Variants in P2RX1 observed in about 807,000 individuals in gnomAD.
P2RX1 encodes P2X purinoceptor 1.
P2RX1 carries 42 observed loss-of-function variants against 50.3 expected under a neutral mutation model. That is an observed-to-expected ratio of 0.83 (90% CI 0.65 to 1.08). P2RX1 has a LOEUF of 1.08. Among genes scored for constraint, P2RX1 ranks in the 50% least tolerant of loss-of-function variants. The pLI, the probability that P2RX1 is intolerant of heterozygous loss-of-function variation, is 0.00. For missense variants in P2RX1, 449 were observed against 529.0 expected (o/e 0.85, Z 1.48); for synonymous variants, 199 against 202.6 (o/e 0.98, Z 0.15).
intron 1 of P2RX1, among the ~76,000 whole-genome samples, chr17:3,912,465 G>C (rs1302836232): frequency 6.6e-6 from 1 of 152,048 alleles, no homozygotes; most frequent in African/African-American, 2.4e-5. Flanking sequence ...CGAGTAGCTG[G>C]GATTACAGGC....
In P2RX1 at chr17:3,903,089, A is replaced by T; in HGVS notation, c.747+113T>A. ...CCCCAGTATCAGGGGACAGACCCAT[A>T]CATATACTCAGCCCTCACCGAGGAG... On this transcript the variant is annotated intron_variant, in intron 7 of 11. Coordinates refer to ENST00000225538, the MANE Select transcript of P2RX1 (RefSeq NM_002558.4). This position sits in a 1 kb window ranked among gnomAD's most constrained non-coding sequence, Gnocchi z 4.6. The T allele has an allele frequency of 7.0e-7, 1 of 1,435,936 alleles. No homozygotes were observed. The highest frequency in any genetic ancestry group is 9.6e-7 in the Non-Finnish European group (1 of 1,043,116). 88.9% of individuals were successfully genotyped at this position (1,435,936 alleles called of 1,614,324 possible). A position where few individuals can be genotyped will look rare whatever the true frequency, so the allele number is the denominator to read the frequency against.
At chr17:3,907,505 T>C (rs2056289577) in intron 1 of P2RX1, among the ~76,000 whole-genome samples, 1 of 152,054 alleles carries the variant, frequency 6.6e-6, no homozygotes, top group Non-Finnish European at 1.5e-5. Context: ...AACAGAACTC[T>C]CCAGGCCTCT....
chr17:3,901,096 C>A (rs2143972822), intron 7 of P2RX1, among the ~76,000 whole-genome samples: 1 of 152,014 alleles, frequency 6.6e-6, no homozygotes, highest in East Asian at 1.9e-4. Flanking sequence ...GAGACGGAGT[C>A]TTGCTCTGTC....
At chr17:3,912,012 G>A (rs1343497046) in intron 1 of P2RX1, among the ~76,000 whole-genome samples, 1 of 152,208 alleles carries the variant, frequency 6.6e-6, no homozygotes, top group Non-Finnish European at 1.5e-5. Flanking sequence ...CTCGGGAGTG[G>A]CTAAACTGGT....
intron 7 of P2RX1, among the ~76,000 whole-genome samples, chr17:3,902,912 C>A (rs1168135649): frequency 6.7e-6 from 1 of 149,946 alleles, no homozygotes; most frequent in Non-Finnish European, 1.5e-5. Context: ...CCTGACCAAG[C>A]TGCTTTTATC....
At chr17:3,899,142 A>G (rs2056087550) in intron 8 of P2RX1, 118 bp from the exon 9 acceptor site, 5 of 749,234 alleles carry the variant, frequency 6.7e-6, no homozygotes, top group South Asian at 1.4e-5. Context: ...CTCATCCCCA[A>G]CACCGGGCAG....
chr17:3,912,987 C>T (rs1283604310), intron 1 of P2RX1, among the ~76,000 whole-genome samples: 2 of 152,250 alleles, frequency 1.3e-5, no homozygotes, highest in East Asian at 3.9e-4. Flanking sequence ...GCCCAGCCCA[C>T]AGCCCCCAGG....
At chr17:3,910,545 A>G (rs960331270) in intron 1 of P2RX1, among the ~76,000 whole-genome samples, 1 of 152,226 alleles carries the variant, frequency 6.6e-6, no homozygotes, top group African/African-American at 2.4e-5. Context: ...GGTTTTGGGA[A>G]GGCTGAGACA....
chr17:3,911,281 C>A (rs1162078992), intron 1 of P2RX1, among the ~76,000 whole-genome samples: 1 of 151,180 alleles, frequency 6.6e-6, no homozygotes, highest in East Asian at 2.0e-4. Context: ...CACCATGGCA[C>A]CCGGTCTGTT....
rs957621370 is a variant in P2RX1 at position 3,914,208 on chromosome 17, G to A, written c.137+1881C>T. On this transcript the variant is annotated intron_variant, in intron 1 of 11. Transcript: ENST00000225538. This position sits in a 1 kb window ranked among gnomAD's most constrained non-coding sequence, Gnocchi z 4.1. The stretch of plus-strand genomic sequence containing the variant: ...CAAGGCTGACTTTGGAGCCATGCAG[G>A]TGGGTTCAAATCCTGGTTAGTCTCT... Among the ~76,000 whole-genome samples, 3 of 152,154 alleles carry A rather than the reference G, an allele frequency of 2.0e-5. No individual in the cohort carries two copies. Among genetic ancestry groups the A allele is most frequent in the African/African-American group, 7.2e-5 (3 of 41,420 alleles).
intron 1 of P2RX1, among the ~76,000 whole-genome samples, chr17:3,912,327 T>C (rs934785426): frequency 9.4e-5 from 14 of 149,524 alleles, no homozygotes; most frequent in African/African-American, 2.7e-4. Context: ...ATTTATTTGT[T>C]TGTTTTTTTA....
chr17:3,901,073 T>C (rs971820381), intron 7 of P2RX1, among the ~76,000 whole-genome samples: 1 of 151,944 alleles, frequency 6.6e-6, no homozygotes, highest in Non-Finnish European at 1.5e-5. Context: ...GAGATTTTTT[T>C]TTTCTTTTTT....
Position 3,903,756 on chromosome 17 carries a change from A to G in P2RX1, c.525-125T>C. ...CCCGCCTGCAGCCCTGGGCTGGTGG[A>G]GGGGTGGGTGTGCTCTAGCGTGGCC... On this transcript the variant is annotated intron_variant, in intron 5 of 11. Transcript: ENST00000225538. The surrounding 1 kb of genome is among the most constrained non-coding windows in gnomAD (Gnocchi z 4.6). 1 of 1,149,874 alleles carries G rather than the reference A, an allele frequency of 8.7e-7. No homozygotes were observed. Among genetic ancestry groups the G allele is most frequent in the Admixed American group, 1.8e-5 (1 of 54,974 alleles). The allele number at this position is 1,149,874 out of a possible 1,614,324, so 71.2% of individuals were successfully genotyped here. A position where few individuals can be genotyped will look rare whatever the true frequency, so the allele number is the denominator to read the frequency against.
At chr17:3,907,077 GT>G (rs1450422728) in intron 1 of P2RX1, among the ~76,000 whole-genome samples, 1 of 152,200 alleles carries the variant, frequency 6.6e-6, no homozygotes, top group African/African-American at 2.4e-5. Flanking sequence ...TGACAATGTT[GT>G]TTGAGCACCT....
intron 10 of P2RX1, 141 bp downstream of exon 10, chr17:3,898,343 T>A (rs1010973782): frequency 3.7e-5 from 29 of 789,856 alleles, no homozygotes; most frequent in Non-Finnish European, 5.7e-5. Flanking sequence ...ATCTATGTAG[T>A]TGGTGGGGTG....
At chr17:3,910,931 T>C (rs1243727657) in intron 1 of P2RX1, among the ~76,000 whole-genome samples, 4 of 152,216 alleles carry the variant, frequency 2.6e-5, no homozygotes, top group Non-Finnish European at 5.9e-5. Context: ...TAACTGAATG[T>C]GGAATTGAAT....
chr17:3,904,727 C>T (rs1219915792), intron 3 of P2RX1, 131 bp downstream of exon 3: 1 of 726,104 alleles, frequency 1.4e-6, no homozygotes. Context: ...TGAATATGCG[C>T]CCAAATTTCC....
At chr17:3,904,124 G>T in intron 4 of P2RX1, 100 bp from the exon 5 acceptor site, 1 of 1,105,714 alleles carries the variant, frequency 9.0e-7, no homozygotes, top group Non-Finnish European at 1.4e-6. Context: ...CTCAAGCAAA[G>T]GAGCCAAGGA....
At chr17:3,901,831 G>T (rs1390231370) in intron 7 of P2RX1, among the ~76,000 whole-genome samples, 1 of 152,152 alleles carries the variant, frequency 6.6e-6, no homozygotes, top group Non-Finnish European at 1.5e-5. Flanking sequence ...CACGTGCCAG[G>T]CAGCGAGGCA....
Sources: gnomAD v4.1 joint callset for allele counts (sites outside exome capture counted in the v4.1 genomes callset) on GRCh38, gnomAD v4.1.1 for gene constraint, Gnocchi (gnomAD v3.1) non-coding constraint, MANE v1.5 for transcripts, NCBI Gene and HGNC (gene_info 2026-07-23, HGNC 2026-07-21) for gene names.